CDH23: variants seen among roughly 807,000 people sequenced by gnomAD.
CDH23 encodes the protein cadherin related 23.
Under a neutral mutation model 317.1 loss-of-function variants are expected in CDH23, and 189 were observed. The ratio of observed to expected loss-of-function variants is 0.60; its 90% CI spans 0.53 to 0.67. The LOEUF is 0.67. Among genes scored for constraint, CDH23 ranks in the 30% least tolerant of loss-of-function variants. The pLI is 0.00. For missense variants in CDH23, 4,401 were observed against 4,592.4 expected (o/e 0.96, Z 1.20); for synonymous variants, 1,839 against 1,876.8 (o/e 0.98, Z 0.52).
intron 6 of CDH23, among the ~76,000 whole-genome samples, chr10:71,535,109 C>T (rs182163109): frequency 1.3e-5 from 2 of 152,354 alleles, no homozygotes; most frequent in Admixed American, 1.3e-4. Flanking sequence ...CCAGACTGCT[C>T]ATTGCACTTT....
intron 26 of CDH23, among the ~76,000 whole-genome samples, chr10:71,707,857 A>G (rs1487853366): frequency 3.3e-5 from 5 of 152,064 alleles, no homozygotes; most frequent in African/African-American, 9.7e-5. Flanking sequence ...GGCACACACC[A>G]GCCTTCCCAA....
At chr10:71,525,910 C>G (rs1185990014) in intron 6 of CDH23, among the ~76,000 whole-genome samples, 1 of 152,238 alleles carries the variant, frequency 6.6e-6, no homozygotes, top group Non-Finnish European at 1.5e-5. Flanking sequence ...CATCTACTCA[C>G]TCACCAAACA....
chr10:71,511,615 C>G lies in CDH23; in HGVS notation c.429+403C>G, dbSNP rs373579503. Among the ~76,000 whole-genome samples the G allele has an allele frequency of 5.3e-5, 8 of 152,206 alleles. No individual in the cohort carries two copies. In the East Asian group the frequency reaches 1.5e-3, roughly 29 times the overall value. Reference sequence around the variant, plus strand: ...TGGCCAGAATCAGGTCCCTCCAGGACTCAGGGAGCATGCAGTTCTAGGAAG... The same window carrying G: ...TGGCCAGAATCAGGTCCCTCCAGGAGTCAGGGAGCATGCAGTTCTAGGAAG... On this transcript the variant is annotated intron_variant, in intron 6 of 69. Transcript: ENST00000224721.
intron 23 of CDH23, 114 bp downstream of exon 23, chr10:71,702,325 A>G: frequency 8.1e-7 from 1 of 1,238,974 alleles, no homozygotes; most frequent in South Asian, 1.4e-5. Flanking sequence ...CTGATCACCA[A>G]GAGTAGAGTA....
chr10:71,531,741 T>C (rs1855384724), intron 6 of CDH23, among the ~76,000 whole-genome samples: 3 of 152,168 alleles, frequency 2.0e-5, no homozygotes, highest in Non-Finnish European at 4.4e-5. Flanking sequence ...TGGCACTTCC[T>C]GTGCAGGCAG....
At chr10:71,668,621 A>G (rs950941425) in intron 14 of CDH23, among the ~76,000 whole-genome samples, 11 of 152,214 alleles carry the variant, frequency 7.2e-5, no homozygotes, top group Non-Finnish European at 1.3e-4. Context: ...TGTTGGGAAG[A>G]CTGAATGAAA....
chr10:71,638,497 C>T (rs531578560), intron 11 of CDH23, among the ~76,000 whole-genome samples: 14 of 152,290 alleles, frequency 9.2e-5, no homozygotes, highest in South Asian at 6.2e-4. Flanking sequence ...CCACCTGCAG[C>T]GGAATGCGCC....
intron 6 of CDH23, among the ~76,000 whole-genome samples, chr10:71,515,392 T>TCA (rs1297100192): frequency 2.3e-3 from 71 of 31,288 alleles, no homozygotes; most frequent in African/African-American, 8.4e-3. Context: ...TCTCTCTCTC[T>TCA]CTCACACACA....
chr10:71,803,445 G>A, intron 55 of CDH23, 25 bp downstream of exon 55: 1 of 1,549,716 alleles, frequency 6.5e-7, no homozygotes, highest in South Asian at 1.2e-5. Context: ...AGGGCCTCCT[G>A]CCCACCAGTA....
At chr10:71,724,205 C>T (rs1866703253) in intron 29 of CDH23, 100 bp downstream of exon 29, 1 of 1,278,800 alleles carries the variant, frequency 7.8e-7, no homozygotes, top group East Asian at 2.5e-5. Flanking sequence ...GCCAAGAGAA[C>T]CCCCAGGGCC....
At chr10:71,790,156 TC>T in intron 45 of CDH23, 131 bp from the exon 46 acceptor site, 2 of 1,294,942 alleles carry the variant, frequency 1.5e-6, no homozygotes, top group Non-Finnish European at 1.0e-6. Context: ...CCCCAGGGCC[TC>T]CCCACCCTGT....
chr10:71,757,222 G>C (rs997941587), intron 38 of CDH23, among the ~76,000 whole-genome samples: 2 of 152,210 alleles, frequency 1.3e-5, no homozygotes, highest in African/African-American at 4.8e-5. Context: ...AACATTTTGT[G>C]AGCTTTGCCA....
intron 14 of CDH23, among the ~76,000 whole-genome samples, chr10:71,653,173 C>G (rs1177905208): frequency 6.6e-6 from 1 of 152,208 alleles, no homozygotes; most frequent in Admixed American, 6.5e-5. Context: ...CATCAGCAGA[C>G]AGCCCTGCTG....
rs369501114 is a variant in CDH23, at chr10:71,806,186, G to A, written c.8083G>A (p.Asp2695Asn). The change falls in exon 57 of 70, where the codon GAC (aspartate) becomes AAC (asparagine). Residue 2695 changes from aspartate to asparagine, a missense_variant. Asp to Asn is a conservative substitution (Grantham distance 23, BLOSUM62 1). Around this residue, in one of 3 missense-constraint regions of CDH23, gnomAD observed 1,144 missense variants for 1,138.2 expected, o/e 1.01. Coordinates refer to ENST00000224721, the MANE Select transcript of CDH23 (RefSeq NM_022124.6). ...AVYSLILVAS[D>N]LGQPVPYETM... is the part of the protein sequence containing the mutation. ...CTCCTAGCTCATCTTGGTGGCCAGC[G>A]ACCTGGGCCAGCCAGTGCCATACGA... 146 of 1,565,552 alleles carry A rather than the reference G, an allele frequency of 9.3e-5. 1 individual carries two copies. The highest frequency in any genetic ancestry group is 1.2e-4 in the Non-Finnish European group (142 of 1,156,060).
In CDH23 at chr10:71,705,137, G is replaced by C. The variant is rs780448097; in HGVS notation, c.2953+7G>C. On this transcript the variant is annotated splice_region_variant and intron_variant, in intron 25 of 69. Coordinates refer to ENST00000224721, the MANE Select transcript of CDH23 (RefSeq NM_022124.6). The stretch of plus-strand genomic sequence containing the variant: ...AGCACGCTCACCATCCATGGTGAGG[G>C]GGCGCAGGGGCTTCTGCTGTGTGCT... 7 of 1,605,922 alleles carry C rather than the reference G, an allele frequency of 4.4e-6. No individual in the cohort carries two copies. Among genetic ancestry groups the C allele is most frequent in the Non-Finnish European group, 6.0e-6 (7 of 1,176,218 alleles).
intron 46 of CDH23, chr10:71,790,716 CCCCTAGTCCA>C: frequency 2.1e-6 from 1 of 480,906 alleles, no homozygotes; most frequent in East Asian, 3.6e-5. Flanking sequence ...GAGGCTCAGG[CCCCTAGTCCA>C]GCAGAAGTAG....
chr10:71,429,758 G>T (rs1476703784), intron 1 of CDH23, among the ~76,000 whole-genome samples: 3 of 152,244 alleles, frequency 2.0e-5, no homozygotes, highest in Non-Finnish European at 2.9e-5. Flanking sequence ...ATTTAGGGAA[G>T]AAATCAGCTC....
chr10:71,656,574 T>C (rs1665683), intron 14 of CDH23, among the ~76,000 whole-genome samples: 92,153 of 151,954 alleles, frequency 0.61, 28,319 homozygotes, highest in Non-Finnish European at 0.68. Flanking sequence ...ATGAGTGATG[T>C]GGGGAAATAC....
intron 11 of CDH23, among the ~76,000 whole-genome samples, chr10:71,642,387 C>T (rs921878504): frequency 7.0e-6 from 1 of 142,258 alleles, no homozygotes; most frequent in Non-Finnish European, 1.5e-5. Context: ...GAAGCTGGCC[C>T]GGCCTCTTTT....
Sources: allele counts gnomAD v4.1 joint callset (sites outside exome capture counted in the v4.1 genomes callset), GRCh38; gene constraint gnomAD v4.1.1; regional missense constraint gnomAD v4.1.1; transcripts MANE v1.5; gene names NCBI Gene and HGNC (gene_info 2026-07-23, HGNC 2026-07-21).